The following TPD52 variants were observed in gnomAD, a reference collection of about 807,000 sequenced individuals.
TPD52 encodes tumor protein D52, also known as prostate and colon associated protein.
TPD52 carries 17 observed loss-of-function variants against 31.3 expected under a neutral mutation model. That is an observed-to-expected ratio of 0.54 (90% CI 0.37 to 0.82). The LOEUF (loss-of-function observed/expected upper bound fraction) is 0.82, where lower values mean the gene tolerates loss of function less well. TPD52 is among the 40% of genes least tolerant of loss of function. The probability of loss-of-function intolerance (pLI) is 0.00; values close to 1 mark genes in which losing one functional copy is unlikely to be tolerated. For missense variants in TPD52, 212 were observed against 240.1 expected (o/e 0.88, Z 0.77); for synonymous variants, 83 against 89.6 (o/e 0.93, Z 0.42).
chr8:80,044,303 T>G (rs1408866099), intron 5 of TPD52, 95 bp from the exon 6 acceptor site: 2 of 955,512 alleles, frequency 2.1e-6, no homozygotes, highest in Non-Finnish European at 3.1e-6. Context: ...CCCAGGAGCT[T>G]TATTCTCTTG....
chr8:80,070,692 C>A (rs1206284590), intron 1 of TPD52, among the ~76,000 whole-genome samples: 1 of 152,070 alleles, frequency 6.6e-6, no homozygotes, highest in Non-Finnish European at 1.5e-5. Flanking sequence ...GTTGGGGATC[C>A]CTGGTTTAAG....
chr8:80,134,431 T>C (rs976250995), intron 1 of TPD52, among the ~76,000 whole-genome samples: 1 of 152,198 alleles, frequency 6.6e-6, no homozygotes. Context: ...ACAATAATTC[T>C]CTGAACTAGG....
intron 2 of TPD52, among the ~76,000 whole-genome samples, chr8:80,060,975 C>T (rs750674345): frequency 2.6e-5 from 4 of 151,950 alleles, no homozygotes; most frequent in Non-Finnish European, 5.9e-5. Flanking sequence ...AGCAGTTAGA[C>T]AAGAAAAATA....
Position 80,110,178 on chromosome 8 carries a change from T to C in TPD52, c.20-45585A>G, listed in dbSNP as rs545121195. Among the ~76,000 whole-genome samples the C allele has an allele frequency of 3.3e-5, 5 of 152,310 alleles. No homozygotes were observed. In the East Asian group the frequency reaches 7.7e-4, roughly 23 times the overall value. On this transcript the variant is annotated intron_variant, in intron 1 of 7. Coordinates refer to ENST00000518937, the MANE Select transcript of TPD52 (RefSeq NM_001025253.3). ...AAGCTTTGTTTTTCTTTTGCTTCCA[T>C]AGAAATATTAGTTAGTTTGGTTCGT... is the stretch of plus-strand genomic sequence containing the variant.
intron 6 of TPD52, among the ~76,000 whole-genome samples, chr8:80,043,667 C>T (rs939711699): frequency 6.6e-6 from 1 of 152,152 alleles, no homozygotes; most frequent in African/African-American, 2.4e-5. Flanking sequence ...TAAGTTTAAG[C>T]CAAGCACAGA....
intron 1 of TPD52, among the ~76,000 whole-genome samples, chr8:80,074,924 T>C (rs1474726390): frequency 6.6e-6 from 1 of 152,064 alleles, no homozygotes; most frequent in African/African-American, 2.4e-5. Flanking sequence ...TCCACTCCAT[T>C]TAAGGGAAGA....
At chr8:80,098,678 G>A (rs1806509038) in intron 1 of TPD52, among the ~76,000 whole-genome samples, 2 of 152,252 alleles carry the variant, frequency 1.3e-5, no homozygotes, top group South Asian at 4.1e-4. Context: ...CGTAAACACT[G>A]TTGAAATAAC....
At chr8:80,032,462 G>A (rs548695258), downstream of TPD52, among the ~76,000 whole-genome samples, 2 of 152,204 alleles carry the variant, frequency 1.3e-5, no homozygotes, top group Non-Finnish European at 2.9e-5. Flanking sequence ...TCAGCTACTC[G>A]GGAAGCTGAG....
At chr8:80,157,914 T>A (rs1478629043) in intron 1 of TPD52, among the ~76,000 whole-genome samples, 8 of 152,192 alleles carry the variant, frequency 5.3e-5, no homozygotes, top group Non-Finnish European at 1.0e-4. Flanking sequence ...TAAAAGCATC[T>A]TAACTAAAAC....
At chr8:80,090,961 G>A (rs896924509) in intron 1 of TPD52, among the ~76,000 whole-genome samples, 1 of 152,198 alleles carries the variant, frequency 6.6e-6, no homozygotes, top group African/African-American at 2.4e-5. Context: ...AATGTCAGCA[G>A]CCAGGACAGA....
chr8:80,171,207 A>G (rs1421790407), intron 1 of TPD52: 2 of 704,210 alleles, frequency 2.8e-6, no homozygotes, highest in Admixed American at 2.0e-5. Context: ...GCACACTCAC[A>G]CTCACACATG....
At chr8:80,085,723 T>C (rs1274121052) in intron 1 of TPD52, among the ~76,000 whole-genome samples, 1 of 152,136 alleles carries the variant, frequency 6.6e-6, no homozygotes, top group Admixed American at 6.5e-5. Context: ...ACCCTGACCA[T>C]CTTTGTAAAG....
At chr8:80,062,816 A>C (rs1812691681) in intron 2 of TPD52, among the ~76,000 whole-genome samples, 1 of 152,016 alleles carries the variant, frequency 6.6e-6, no homozygotes. Flanking sequence ...TAAAAATTAA[A>C]AAATTTGCCA....
At chr8:80,044,258 C>T in intron 5 of TPD52, 50 bp from the exon 6 acceptor site, 2 of 1,412,508 alleles carry the variant, frequency 1.4e-6, no homozygotes, top group Non-Finnish European at 1.9e-6. Context: ...TATAGTGGTG[C>T]TTCAACATTA....
intron 1 of TPD52, among the ~76,000 whole-genome samples, chr8:80,169,517 G>A (rs1040901187): frequency 7.2e-5 from 11 of 152,190 alleles, no homozygotes; most frequent in African/African-American, 2.7e-4. Flanking sequence ...ATACTGCAGT[G>A]CTACCAATGA....
chr8:80,082,744 C>G (rs771312294), intron 1 of TPD52, among the ~76,000 whole-genome samples: 73 of 152,256 alleles, frequency 4.8e-4, no homozygotes, highest in Non-Finnish European at 5.7e-4. Context: ...CTGTGCCTAT[C>G]CAGGGCCTCT....
chr8:80,148,441 G>A (rs774927055), intron 1 of TPD52, among the ~76,000 whole-genome samples: 4 of 152,068 alleles, frequency 2.6e-5, no homozygotes, highest in East Asian at 1.9e-4. Flanking sequence ...GGGATTACAC[G>A]CAAGAGCCAC....
In TPD52 at chr8:80,035,596, C is replaced by A. The variant is rs1042358705; in HGVS notation, c.*2520G>T. The A allele has an allele frequency of 6.6e-5, 10 of 152,184 alleles. No individual in the cohort carries two copies. The highest frequency in any genetic ancestry group is 2.4e-4 in the African/African-American group (10 of 41,438). 9.4% of individuals were successfully genotyped at this position (152,184 alleles called of 1,614,324 possible). On this transcript the variant is annotated 3_prime_UTR_variant, in exon 8 of 8. Coordinates refer to ENST00000518937, the MANE Select transcript of TPD52 (RefSeq NM_001025253.3). The stretch of plus-strand genomic sequence containing the variant: ...AACAGATCCAGATCCAAATTAAATA[C>A]TTTTTTTCTATTTCAAACTATTCTA...
intron 1 of TPD52, among the ~76,000 whole-genome samples, chr8:80,134,713 C>T (rs1809268618): frequency 6.6e-6 from 1 of 152,206 alleles, no homozygotes; most frequent in Admixed American, 6.5e-5. Context: ...CTGCCAGCAA[C>T]TAGGTGCAGG....
Sources: gnomAD v4.1 joint callset for allele counts (sites outside exome capture counted in the v4.1 genomes callset) on GRCh38, gnomAD v4.1.1 for gene constraint, MANE v1.5 for transcripts, NCBI Gene and HGNC (gene_info 2026-07-23, HGNC 2026-07-21) for gene names.